FAM170A: variants seen among roughly 807,000 people sequenced by gnomAD.
FAM170A encodes protein FAM170A.
A neutral mutation model predicts 36.6 loss-of-function variants in FAM170A; 28 were observed. That is an observed-to-expected ratio of 0.76 (90% CI 0.57 to 1.05). The LOEUF (loss-of-function observed/expected upper bound fraction) is 1.05, where lower values mean the gene tolerates loss of function less well. Ranked by LOEUF, FAM170A falls within the 50% of genes least tolerant of loss-of-function variation. The pLI, the probability that FAM170A is intolerant of heterozygous loss-of-function variation, is 0.00. For missense variants in FAM170A, 434 were observed against 396.5 expected (o/e 1.09, Z -0.80); for synonymous variants, 156 against 143.9 (o/e 1.08, Z -0.60).
exon 2 of FAM170A, chr5:119,632,853 C>G: frequency 3.1e-6 from 5 of 1,612,026 alleles, no homozygotes; most frequent in Non-Finnish European, 4.2e-6. Context: ...GAATACTGCT[C>G]CTGCGTTTCT....
In FAM170A at chr5:119,635,014, T is replaced by C. The variant is rs774920067; in HGVS notation, c.987-17T>C. ...AACTAAGAAGTGTCTTTCTTTGGTT[T>C]GATTTTCACACAGCAGCTGAGACTT... On this transcript the variant is annotated splice_polypyrimidine_tract_variant and intron_variant, in intron 3 of 4. Transcript: ENST00000613773. 1.2e-6 allele frequency: 2 copies of C among 1,613,964 alleles called. No homozygotes were observed. Among genetic ancestry groups the C allele is most frequent in the Non-Finnish European group, 1.7e-6 (2 of 1,179,934 alleles).
intron 1 of FAM170A, among the ~76,000 whole-genome samples, chr5:119,630,361 C>T (rs1295257457): frequency 7.2e-6 from 1 of 139,074 alleles, no homozygotes; most frequent in East Asian, 2.0e-4. Context: ...GTAGTAGAGA[C>T]AGGGTTTCAC....
rs1756283580 is a variant in FAM170A at position 119,632,838 on chromosome 5, C to A, written c.161C>A (p.Thr54Asn). Residue 54 changes from threonine (T) to asparagine (N), a missense_variant, in exon 2 of 5, where the codon ACC (threonine) becomes AAC (asparagine). Coordinates refer to ENST00000613773, the Ensembl canonical transcript of FAM170A. ...CAAGGGGTGGGAGAAGTTACTTCTA[C>A]CTCCGAATACTGCTCCTGCGTTTCT... is the stretch of plus-strand genomic sequence containing the variant. 4 of 1,613,070 alleles carry A rather than the reference C, an allele frequency of 2.5e-6. No individual in the cohort carries two copies. In the East Asian group the frequency reaches 8.9e-5, roughly 36 times the overall value.
chr5:119,633,003 T>G, intron 2 of FAM170A, 115 bp downstream of exon 2: 1 of 1,241,648 alleles, frequency 8.1e-7, no homozygotes, highest in Non-Finnish European at 1.1e-6. Flanking sequence ...GCAGTGCTGC[T>G]TGGGTGTAAG....
In FAM170A at chr5:119,633,997, A is replaced by G. The variant is rs148156357; in HGVS notation, c.249A>G (p.Gln83=). 4.1e-3 allele frequency: 6,576 copies of G among 1,613,678 alleles called. 18 individuals carry two copies. Among genetic ancestry groups the G allele is most frequent in the South Asian group, 4.8e-3 (439 of 91,040 alleles). ...TACATCGAGACAGCCCCCAGCCTCA[A>G]TCACCCCTGGCCCAGGTTCAGGAAC... The change falls in exon 3 of 5, where the codon CAA becomes CAG. Residue 83 remains glutamine (Q), a synonymous_variant. Coordinates refer to ENST00000613773, the Ensembl canonical transcript of FAM170A.
intron 1 of FAM170A, among the ~76,000 whole-genome samples, chr5:119,632,015 A>G (rs1456785302): frequency 6.6e-6 from 1 of 152,242 alleles, no homozygotes; most frequent in Admixed American, 6.5e-5. Context: ...TATGGAACAT[A>G]CTGACACTAA....
intron 1 of FAM170A, among the ~76,000 whole-genome samples, chr5:119,631,331 G>A (rs144239292): frequency 2.0e-5 from 3 of 152,268 alleles, no homozygotes; most frequent in Non-Finnish European, 4.4e-5. Flanking sequence ...ACAGGAAGGG[G>A]AAGGCAATGG....
rs776332032 is a variant in FAM170A at position 119,634,664 on chromosome 5, G to T, written c.916G>T (p.Glu306Ter). ...GGAGGAGGAGGGGCAGCCCACAGAAGAAGACCTTGGCCTGAGGAGATCCTG... is the reference window on the plus strand; with the variant it reads ...GGAGGAGGAGGGGCAGCCCACAGAATAAGACCTTGGCCTGAGGAGATCCTG... Residue 306 changes from glutamate to a stop codon, truncating the protein, a stop_gained, in exon 3 of 5, where the codon GAA becomes TAA. Transcript: ENST00000613773. LOFTEE classifies it high-confidence loss of function. 3.8e-6 allele frequency: 6 copies of T among 1,594,076 alleles called. No individual in the cohort carries two copies. In the Middle Eastern group the frequency reaches 5.0e-4, roughly 134 times the overall value.
At chr5:119,629,642 G>T in exon 1 of FAM170A, 2 of 716,238 alleles carry the variant, frequency 2.8e-6, no homozygotes, top group Non-Finnish European at 2.4e-6. Flanking sequence ...CTATCTCGGA[G>T]ATTCAACTAC....
chr5:119,634,372 C>A, exon 3 of FAM170A: 2 of 1,614,166 alleles, frequency 1.2e-6, no homozygotes, highest in Non-Finnish European at 8.5e-7. Flanking sequence ...GCTCACCCAC[C>A]GTTGAGGACA....
chr5:119,632,077 T>C (rs1754846438), intron 1 of FAM170A, among the ~76,000 whole-genome samples: 1 of 152,244 alleles, frequency 6.6e-6, no homozygotes, highest in African/African-American at 2.4e-5. Flanking sequence ...AAAAAATTAT[T>C]TGTAATTTAT....
At chr5:119,632,940 T>C in intron 2 of FAM170A, 52 bp downstream of exon 2, 4 of 1,514,652 alleles carry the variant, frequency 2.6e-6, no homozygotes, top group Non-Finnish European at 3.6e-6. Context: ...TGGGGTTCAT[T>C]GGGCATGAAA....
intron 1 of FAM170A, among the ~76,000 whole-genome samples, chr5:119,631,557 A>C (rs572679181): frequency 6.8e-4 from 103 of 152,294 alleles, no homozygotes; most frequent in African/African-American, 2.3e-3. Flanking sequence ...TGTTAAGGGT[A>C]TTCCAGGAGA....
At chr5:119,634,682 A>G (rs1346568174) in exon 3 of FAM170A, 1 of 1,566,940 alleles carries the variant, frequency 6.4e-7, no homozygotes, top group Non-Finnish European at 8.6e-7. Flanking sequence ...TGGCCTGAGG[A>G]GATCCTGGAG....
At chr5:119,631,218 T>C (rs912228123) in intron 1 of FAM170A, among the ~76,000 whole-genome samples, 6 of 152,232 alleles carry the variant, frequency 3.9e-5, no homozygotes, top group African/African-American at 1.4e-4. Context: ...TGGAGGCTTC[T>C]GCCCCGATTA....
At chr5:119,635,207 G>A (rs1243446830) in intron 4 of FAM170A, 121 bp downstream of exon 4, 14 of 657,888 alleles carry the variant, frequency 2.1e-5, no homozygotes, top group African/African-American at 7.2e-5. Context: ...TCAACTTATC[G>A]TGCACCTGGT....
In FAM170A at chr5:119,632,894, G is replaced by A; in HGVS notation, c.211+6G>A. On this transcript the variant is annotated splice_donor_region_variant and intron_variant, in intron 2 of 4. Transcript: ENST00000613773. ...ACGCAAGCTCATCCACAGTGGTAAG[G>A]GTGCAGGGTTCCTTCGGCACGTGGC... 6.3e-7 allele frequency: 1 copy of A among 1,579,064 alleles called. No individual in the cohort carries two copies. Among genetic ancestry groups the A allele is most frequent in the South Asian group, 1.1e-5 (1 of 87,300 alleles).
At chr5:119,633,316 G>T (rs1420493594) in intron 2 of FAM170A, among the ~76,000 whole-genome samples, 2 of 152,238 alleles carry the variant, frequency 1.3e-5, no homozygotes, top group East Asian at 3.9e-4. Context: ...TGACAGAGCT[G>T]TTAGAAGAGC....
At chr5:119,632,918 G>A (rs1422341944) in intron 2 of FAM170A, 30 bp downstream of exon 2, 2 of 1,547,494 alleles carry the variant, frequency 1.3e-6, no homozygotes, top group South Asian at 1.2e-5. Context: ...TCGGCACGTG[G>A]CTCCTTGGCT....
Sources: allele counts gnomAD v4.1 joint callset (sites outside exome capture counted in the v4.1 genomes callset), GRCh38; gene constraint gnomAD v4.1.1; transcripts MANE v1.5; gene names NCBI Gene and HGNC (gene_info 2026-07-23, HGNC 2026-07-21).